ABLIM3: variants seen among roughly 807,000 people sequenced by gnomAD.
ABLIM3 encodes the protein actin binding LIM protein family member 3, also known as actin-binding LIM protein 3.
Under a neutral mutation model 109.5 loss-of-function variants are expected in ABLIM3, and 61 were observed. The ratio of observed to expected loss-of-function variants is 0.56; its 90% confidence interval spans 0.45 to 0.69. ABLIM3 has a LOEUF of 0.69. Among genes scored for constraint, ABLIM3 ranks in the 30% least tolerant of loss-of-function variants. The probability of loss-of-function intolerance (pLI) is 0.00; values close to 1 mark genes in which losing one functional copy is unlikely to be tolerated. For missense variants in ABLIM3, 796 were observed against 889.5 expected (o/e 0.89, Z 1.34); for synonymous variants, 300 against 324.8 (o/e 0.92, Z 0.82).
intron 8 of ABLIM3, among the ~76,000 whole-genome samples, chr5:149,223,257 G>T (rs1453400240): frequency 2.0e-5 from 3 of 152,138 alleles, no homozygotes; most frequent in Admixed American, 2.0e-4. Flanking sequence ...ACAGACTCAT[G>T]CCGATGTGGC....
intron 5 of ABLIM3, among the ~76,000 whole-genome samples, chr5:149,203,663 C>T (rs547288066): frequency 5.3e-4 from 80 of 151,744 alleles, no homozygotes; most frequent in African/African-American, 1.6e-3. Context: ...CCACTATTAC[C>T]ACTATCGCCA....
At chr5:149,210,238 G>T (rs1027143123) in intron 6 of ABLIM3, among the ~76,000 whole-genome samples, 1 of 152,182 alleles carries the variant, frequency 6.6e-6, no homozygotes, top group Non-Finnish European at 1.5e-5. Flanking sequence ...CAACCTGGGT[G>T]AGAAACCAGA....
At position 149,173,009 on chromosome 5, in the gene ABLIM3, T is replaced by C. The variant is rs140310904; in HGVS notation, c.14-10443T>C. Among the ~76,000 whole-genome samples, 63 of 152,250 alleles carry C rather than the reference T, an allele frequency of 4.1e-4. No homozygotes were observed. The East Asian group carries it at 0.012, about 29-fold the overall frequency. On this transcript the variant is annotated intron_variant, in intron 2 of 23. Coordinates refer to ENST00000309868, the MANE Select transcript of ABLIM3 (RefSeq NM_014945.5). ...GGAAGAACCAGATGTTAGCAAGAATTGCAGTATGACAGAGAAGAAAGAAGA... is the reference window on the plus strand; with the variant it reads ...GGAAGAACCAGATGTTAGCAAGAATCGCAGTATGACAGAGAAGAAAGAAGA...
At chr5:149,200,615 G>C (rs1049197372) in intron 5 of ABLIM3, 187 bp downstream of exon 5, 1 of 611,114 alleles carries the variant, frequency 1.6e-6, no homozygotes, top group Admixed American at 2.9e-5. Context: ...GCACAATGCA[G>C]GGAAGAGGGG....
chr5:149,249,288 G>T (rs1344472019), intron 18 of ABLIM3, among the ~76,000 whole-genome samples: 1 of 152,198 alleles, frequency 6.6e-6, no homozygotes, highest in Non-Finnish European at 1.5e-5. Context: ...TTATAGATGC[G>T]TCAGGCACTA....
chr5:149,143,366 A>AAATAAT (rs1427089689), intron 2 of ABLIM3, among the ~76,000 whole-genome samples: 3 of 151,694 alleles, frequency 2.0e-5, no homozygotes, highest in Admixed American at 6.6e-5. Context: ...CTGTCTCAAA[A>AAATAAT]AATAATAATA....
At chr5:149,232,515 GC>G (rs1267381497) in intron 9 of ABLIM3, among the ~76,000 whole-genome samples, 1 of 152,154 alleles carries the variant, frequency 6.6e-6, no homozygotes, top group Non-Finnish European at 1.5e-5. Context: ...AAACTTTATA[GC>G]CCCACTTAGA....
chr5:149,233,272 G>T lies in ABLIM3; in HGVS notation c.860G>T (p.Ser287Ile). The T allele has an allele frequency of 6.2e-7, 1 of 1,614,154 alleles. No homozygotes were observed. Among genetic ancestry groups the T allele is most frequent in the Non-Finnish European group, 8.5e-7 (1 of 1,180,012 alleles). ...SETSISPPGSSIGSPNRVICA... is the reference protein window; with the variant it reads ...SETSISPPGSIIGSPNRVICA... ...ACCTCCATCTCACCCCCTGGATCCA[G>T]CATTGGGTCACCCAACCGAGTCATC... Residue 287 changes from serine to isoleucine, a missense_variant, in exon 10 of 24, where the codon AGC (serine) becomes ATC (isoleucine). Coordinates refer to ENST00000309868, the MANE Select transcript of ABLIM3 (RefSeq NM_014945.5).
At chr5:149,163,715 A>T (rs1754585712) in intron 2 of ABLIM3, among the ~76,000 whole-genome samples, 1 of 152,162 alleles carries the variant, frequency 6.6e-6, no homozygotes, top group Admixed American at 6.5e-5. Flanking sequence ...ATAAAGTCAT[A>T]TTCTGAGGTA....
chr5:149,227,910 A>G (rs1220392354), intron 8 of ABLIM3, among the ~76,000 whole-genome samples: 1 of 152,202 alleles, frequency 6.6e-6, no homozygotes, highest in African/African-American at 2.4e-5. Context: ...ATATATCTGT[A>G]GGTATAACAG....
At chr5:149,175,992 G>A (rs780500259) in intron 2 of ABLIM3, among the ~76,000 whole-genome samples, 4 of 152,208 alleles carry the variant, frequency 2.6e-5, no homozygotes, top group Non-Finnish European at 5.9e-5. Flanking sequence ...TTGCAGCAAA[G>A]GTTTTACAAC....
At chr5:149,220,122 T>C (rs1401824671) in intron 8 of ABLIM3, 1 of 152,214 alleles carries the variant, frequency 6.6e-6, no homozygotes, top group African/African-American at 2.4e-5. Flanking sequence ...ATTTCAATCA[T>C]TCATTTAGCA....
In ABLIM3 at chr5:149,198,282, A is replaced by G; in HGVS notation, c.215A>G (p.Gln72Arg). 2 of 1,614,218 alleles carry G rather than the reference A, an allele frequency of 1.2e-6. No individual in the cohort carries two copies. Among genetic ancestry groups the G allele is most frequent in the Non-Finnish European group, 1.7e-6 (2 of 1,180,026 alleles). ...AAGAACCAGGAGTACATCTGCACCCAGGACTACCAGCAACTCTATGGCACC... is the reference window on the plus strand; with the variant it reads ...AAGAACCAGGAGTACATCTGCACCCGGGACTACCAGCAACTCTATGGCACC... ...FFKNQEYICT[Q>R]DYQQLYGTRC... The change falls in exon 4 of 24, where the codon CAG becomes CGG. Residue 72 changes from glutamine (Q) to arginine (R), a missense_variant. Coordinates refer to ENST00000309868, the MANE Select transcript of ABLIM3 (RefSeq NM_014945.5). The surrounding 1 kb of genome is among the most constrained non-coding windows in gnomAD (Gnocchi z 4.2).
At chr5:149,235,883 T>C (rs2918264) in intron 10 of ABLIM3, among the ~76,000 whole-genome samples, 66,587 of 151,986 alleles carry the variant, frequency 0.44, 14,857 homozygotes, top group East Asian at 0.62. Flanking sequence ...AGTGAGGTAT[T>C]CAGGGACTAC....
chr5:149,251,636 C>T (rs1445166897), intron 21 of ABLIM3, among the ~76,000 whole-genome samples: 1 of 152,252 alleles, frequency 6.6e-6, no homozygotes. Context: ...GGTCTCCAAG[C>T]CACCTGTCCC....
chr5:149,161,502 A>G (rs889349102), intron 2 of ABLIM3, among the ~76,000 whole-genome samples: 1 of 152,166 alleles, frequency 6.6e-6, no homozygotes, highest in Non-Finnish European at 1.5e-5. Flanking sequence ...TTCTCATCTG[A>G]AAATCTGCCC....
At chr5:149,227,407 T>C (rs1581181386) in intron 8 of ABLIM3, among the ~76,000 whole-genome samples, 2 of 152,188 alleles carry the variant, frequency 1.3e-5, no homozygotes, top group African/African-American at 4.8e-5. Flanking sequence ...AAGTGACTCA[T>C]GGAACCAGGA....
At position 149,249,800 on chromosome 5, in the gene ABLIM3, T is replaced by A; in HGVS notation, c.1700-15T>A. On this transcript the variant is annotated splice_polypyrimidine_tract_variant and intron_variant, in intron 18 of 23. Coordinates refer to ENST00000309868, the MANE Select transcript of ABLIM3 (RefSeq NM_014945.5). ...TTCCTCATGAGCAATGACCTTCAGC[T>A]TTTCTCTCCTGCAGCCCCTCGGTCG... 1 of 1,614,150 alleles carries A rather than the reference T, an allele frequency of 6.2e-7. No homozygotes were observed.
chr5:149,208,414 C>A (rs1759230772), intron 6 of ABLIM3, among the ~76,000 whole-genome samples: 1 of 149,178 alleles, frequency 6.7e-6, no homozygotes, highest in Admixed American at 6.7e-5. Context: ...CTCTGTCTCT[C>A]TTTCTCTCTC....
Sources: gnomAD v4.1 joint callset for allele counts (sites outside exome capture counted in the v4.1 genomes callset) on GRCh38, gnomAD v4.1.1 for gene constraint, Gnocchi (gnomAD v3.1) non-coding constraint, MANE v1.5 for transcripts, NCBI Gene and HGNC (gene_info 2026-07-23, HGNC 2026-07-21) for gene names.